DUOX1: variants seen among roughly 807,000 people sequenced by gnomAD.
The protein encoded by DUOX1 is NADPH thyroid oxidase 1.
DUOX1 carries 134 observed loss-of-function variants against 181.8 expected under a neutral mutation model. That is an observed-to-expected ratio of 0.74 (90% CI 0.64 to 0.85). DUOX1 has a LOEUF of 0.85. DUOX1 is among the 40% of genes least tolerant of loss of function. The pLI is 0.00. For missense variants in DUOX1, 1,814 were observed against 2,064.4 expected (o/e 0.88, Z 2.35); for synonymous variants, 798 against 832.5 (o/e 0.96, Z 0.71).
At chr15:45,141,471 C>T in intron 14 of DUOX1, 61 bp downstream of exon 14, 1 of 1,540,074 alleles carries the variant, frequency 6.5e-7, no homozygotes, top group Non-Finnish European at 9.0e-7. Context: ...CTCTTCAGCT[C>T]TGGGCTTGGC....
chr15:45,141,861 C>G (rs1026059113), intron 14 of DUOX1, 114 bp from the exon 15 acceptor site: 88 of 1,250,074 alleles, frequency 7.0e-5, no homozygotes, highest in Non-Finnish European at 9.1e-5. Flanking sequence ...AGCCCCTTCC[C>G]CTCAGCTACC....
chr15:45,138,105 T>TGTGA (rs951558415), intron 10 of DUOX1, 91 bp downstream of exon 10: 17 of 1,023,612 alleles, frequency 1.7e-5, no homozygotes, highest in South Asian at 8.7e-5. Context: ...TGTGTGTGTG[T>TGTGA]GAGTGCATGG....
intron 20 of DUOX1, 104 bp downstream of exon 20, chr15:45,148,101 C>T: frequency 7.0e-7 from 1 of 1,421,152 alleles, no homozygotes; most frequent in South Asian, 1.2e-5. Context: ...AGGAAGCCTC[C>T]TCCTTACCCA....
intron 4 of DUOX1, among the ~76,000 whole-genome samples, chr15:45,134,837 G>A (rs76275337): frequency 0.12 from 18,487 of 152,076 alleles, 1,261 homozygotes; most frequent in East Asian, 0.25. Context: ...CTGCCGGCCC[G>A]TTTGCCTAGG....
At position 45,152,431 on chromosome 15, in the gene DUOX1, A is replaced by G; in HGVS notation, c.3339A>G (p.Arg1113=). Residue 1113 remains arginine (R), a synonymous_variant, in exon 25 of 34, where the codon CGA becomes CGG. Coordinates refer to ENST00000389037, the MANE Select transcript of DUOX1 (RefSeq NM_175940.3). The part of the protein sequence containing the change: ...TMCRNLITFL[R]ETFLNRYVPF... ...GCCGCAACCTCATCACCTTCCTGCG[A>G]GAAACCTTCCTCAACCGCTACGTGC... The G allele has an allele frequency of 6.2e-7, 1 of 1,614,184 alleles. No homozygotes were observed. The highest frequency in any genetic ancestry group is 1.3e-5 in the African/African-American group (1 of 75,054).
At chr15:45,135,005 C>G in intron 4 of DUOX1, 99 bp from the exon 5 acceptor site, 1 of 1,447,332 alleles carries the variant, frequency 6.9e-7, no homozygotes, top group Non-Finnish European at 9.4e-7. Context: ...GCTGCTGAGT[C>G]TTTTGAAGCT....
At chr15:45,154,094 C>A in intron 27 of DUOX1, 94 bp downstream of exon 27, 1 of 1,183,736 alleles carries the variant, frequency 8.4e-7, no homozygotes, top group Non-Finnish European at 1.3e-6. Context: ...CGTTCACTCA[C>A]TCAGCTCTTC....
Position 45,162,286 on chromosome 15 carries a change from T to C in DUOX1, c.4157T>C (p.Val1386Ala). 1 of 1,613,840 alleles carries C rather than the reference T, an allele frequency of 6.2e-7. No homozygotes were observed. The highest frequency in any genetic ancestry group is 8.5e-7 in the Non-Finnish European group (1 of 1,179,892). Reference protein sequence around the residue: ...EWHKFEVSVLVGGGIGVTPFA... With the variant: ...EWHKFEVSVLAGGGIGVTPFA... ...CATAAGTTTGAGGTGTCAGTGTTAG[T>C]GGGAGGGGGCATTGGGGTCACCCCT... Residue 1386 changes from valine to alanine, a missense_variant, in exon 31 of 34, where the codon GTG becomes GCG. Physicochemically the swap from Val to Ala is moderately conservative, Grantham distance 64. Transcript: ENST00000389037.
Position 45,163,705 on chromosome 15 carries a change from A to G in DUOX1, c.4404+18A>G, listed in dbSNP as rs1897160997. On this transcript the variant is annotated intron_variant, in intron 32 of 33. Transcript: ENST00000389037. ...CTATGCTGGTATGTCAGGGCCCACC[A>G]GGAGGGTATGCGGGCCACTGTCTGA... 1 of 1,614,054 alleles carries G rather than the reference A, an allele frequency of 6.2e-7. No individual in the cohort carries two copies.
intron 13 of DUOX1, 81 bp downstream of exon 13, chr15:45,141,151 T>C (rs1896480839): frequency 3.2e-6 from 5 of 1,584,196 alleles, no homozygotes; most frequent in African/African-American, 1.3e-5. Context: ...ACAGCCCCCA[T>C]GAGCCCTTGA....
rs992716244 is a variant in DUOX1, at chr15:45,138,149, G to A, written c.1113+135G>A. On this transcript the variant is annotated intron_variant, in intron 10 of 33. Transcript: ENST00000389037. ...GTCAGTAAGGCTGACGCAGGTAGCT[G>A]GGATAGGCTGGGGTGAAGGAGGCAG... 4 of 567,206 alleles carry A rather than the reference G, an allele frequency of 7.1e-6. No homozygotes were observed. The East Asian group carries it at 1.4e-4, about 20-fold the overall frequency. 35.1% of individuals were successfully genotyped at this position (567,206 alleles called of 1,614,324 possible).
rs201692617 is a variant in DUOX1, at chr15:45,141,399, T to A, written c.1673T>A (p.Val558Asp). Residue 558 changes from valine (V) to aspartate (D), a missense_variant, in exon 14 of 34, where the codon GTC becomes GAC. This residue lies in a region of DUOX1 where 1,064 missense variants were observed against 1,152.9 expected (regional missense o/e 0.92). Coordinates refer to ENST00000389037, the MANE Select transcript of DUOX1 (RefSeq NM_175940.3). ...AGTGCTCTGCAGCCCAATGTCTTTGTCTGGCATAAAGGTGAGTGGCCAAGG... is the reference window on the plus strand; with the variant it reads ...AGTGCTCTGCAGCCCAATGTCTTTGACTGGCATAAAGGTGAGTGGCCAAGG... Reference protein sequence around the residue: ...DPSALQPNVFVWHKGDPCPQP... With the variant: ...DPSALQPNVFDWHKGDPCPQP... The A allele has an allele frequency of 6.2e-7, 1 of 1,614,250 alleles. No individual in the cohort carries two copies. Among genetic ancestry groups the A allele is most frequent in the Non-Finnish European group, 8.5e-7 (1 of 1,180,052 alleles).
Position 45,155,948 on chromosome 15 carries a change from G to A in DUOX1, c.3702+19G>A, listed in dbSNP as rs1896960651. The A allele has an allele frequency of 1.2e-6, 2 of 1,614,020 alleles. No homozygotes were observed. Among genetic ancestry groups the A allele is most frequent in the South Asian group, 2.2e-5 (2 of 91,078 alleles). ...TGTCCTGGTGAGGGCTTTTGGCTGT[G>A]AGCCAGGCCAGGAGGGTATGGGCAG... On this transcript the variant is annotated intron_variant, in intron 28 of 33. Transcript: ENST00000389037.
intron 28 of DUOX1, among the ~76,000 whole-genome samples, chr15:45,158,918 AG>A (rs1285355608): frequency 6.6e-6 from 1 of 152,124 alleles, no homozygotes; most frequent in Non-Finnish European, 1.5e-5. Context: ...TGTTCCAAAC[AG>A]TAAGTTATAG....
chr15:45,136,570 G>T lies in DUOX1; in HGVS notation c.967G>T (p.Val323Leu). 1 of 1,614,114 alleles carries T rather than the reference G, an allele frequency of 6.2e-7. No individual in the cohort carries two copies. Among genetic ancestry groups the T allele is most frequent in the Non-Finnish European group, 8.5e-7 (1 of 1,180,028 alleles). The stretch of plus-strand genomic sequence containing the variant: ...GGACCCCAGCATCTCCTCAGAGTTC[G>T]TGGCGGCCTCTGAGCAGTTCCTGTC... ...FLDPSISSEF[V>L]AASEQFLSTM... The change falls in exon 9 of 34, where the codon GTG becomes TTG. Residue 323 changes from valine (V) to leucine (L), a missense_variant. Physicochemically the swap from Val to Leu is conservative, Grantham distance 32. Around this residue, in one of 5 missense-constraint regions of DUOX1, gnomAD observed 1,064 missense variants for 1,152.9 expected, o/e 0.92. Transcript: ENST00000389037.
chr15:45,153,285 C>T lies in DUOX1; in HGVS notation c.3425-95C>T, dbSNP rs1162922412. On this transcript the variant is annotated intron_variant, in intron 25 of 33. Coordinates refer to ENST00000389037, the MANE Select transcript of DUOX1 (RefSeq NM_175940.3). ...AGACTCCTAAGGTACTTCTCTGGGACCCCCACTCTGGCCAGGGTCCTCGAT... is the reference window on the plus strand; with the variant it reads ...AGACTCCTAAGGTACTTCTCTGGGATCCCCACTCTGGCCAGGGTCCTCGAT... 10 of 867,158 alleles carry T rather than the reference C, an allele frequency of 1.2e-5. No homozygotes were observed. The East Asian group carries it at 1.7e-4, about 15-fold the overall frequency. The allele number at this position is 867,158 out of a possible 1,614,324, so 53.7% of individuals were successfully genotyped here.
intron 28 of DUOX1, among the ~76,000 whole-genome samples, chr15:45,156,400 A>C (rs1896970299): frequency 6.6e-6 from 1 of 152,146 alleles, no homozygotes; most frequent in South Asian, 2.1e-4. Context: ...GCTTGTTCAA[A>C]ATGACTTCAG....
chr15:45,147,832 G>A (rs1438812009), intron 19 of DUOX1, 72 bp from the exon 20 acceptor site: 2 of 1,513,514 alleles, frequency 1.3e-6, no homozygotes, highest in East Asian at 4.5e-5. Context: ...CTGGTGTGAG[G>A]CCCCTTTTGG....
chr15:45,143,122 T>A, intron 15 of DUOX1, 68 bp from the exon 16 acceptor site: 7 of 1,237,746 alleles, frequency 5.7e-6, no homozygotes, highest in Non-Finnish European at 8.2e-6. Context: ...GGTAAGGAGC[T>A]GAGAAAGGAG....
Sources: allele counts gnomAD v4.1 joint callset (sites outside exome capture counted in the v4.1 genomes callset), GRCh38; gene constraint gnomAD v4.1.1; regional missense constraint gnomAD v4.1.1; transcripts MANE v1.5; gene names NCBI Gene and HGNC (gene_info 2026-07-23, HGNC 2026-07-21).